The following AFAP1L1 variants were observed in gnomAD, a reference collection of about 807,000 sequenced individuals.
The protein encoded by AFAP1L1 is actin filament associated protein 1 like 1.
In AFAP1L1, 77 loss-of-function variants were observed where a neutral mutation model predicts 99.8. That is an observed-to-expected ratio of 0.77 (90% CI 0.64 to 0.93). The LOEUF is 0.93. Among genes scored for constraint, AFAP1L1 ranks in the 40% least tolerant of loss-of-function variants. AFAP1L1 has a pLI of 0.00. For synonymous variants in AFAP1L1, 373 were observed against 395.3 expected (o/e 0.94, Z 0.67); for missense variants, 893 against 996.8 (o/e 0.90, Z 1.40).
At chr5:149,309,853 T>G in intron 7 of AFAP1L1, 103 bp from the exon 8 acceptor site, 3 of 1,432,140 alleles carry the variant, frequency 2.1e-6, no homozygotes. Context: ...GTGGGGGAGG[T>G]CTCTAAAGGG....
At chr5:149,318,198 G>A (rs1000533656) in intron 12 of AFAP1L1, among the ~76,000 whole-genome samples, 2 of 152,190 alleles carry the variant, frequency 1.3e-5, no homozygotes, top group Non-Finnish European at 2.9e-5. Flanking sequence ...ACGCAACATT[G>A]GAGCTTTATT....
chr5:149,303,426 G>A (rs1261979816), intron 5 of AFAP1L1, among the ~76,000 whole-genome samples: 1 of 152,120 alleles, frequency 6.6e-6, no homozygotes, highest in East Asian at 1.9e-4. Flanking sequence ...AGGACTTAAC[G>A]TTACATATAA....
Position 149,316,154 on chromosome 5 carries a change from A to C in AFAP1L1, c.1118A>C (p.Lys373Thr). 1 of 1,612,820 alleles carries C rather than the reference A, an allele frequency of 6.2e-7. No homozygotes were observed. Among genetic ancestry groups the C allele is most frequent in the South Asian group, 1.1e-5 (1 of 91,036 alleles). ...LGRRETCDHG[K>T]GKKSSLAELK... is the part of the protein sequence containing the mutation. ...CCCTGACCCATTTCCCCAACAGGCA[A>C]AGGGAAGAAGAGCAGCCTGGCAGAA... The change falls in exon 11 of 19, where the codon AAA becomes ACA. Residue 373 changes from lysine (K) to threonine (T), a missense_variant. By Grantham distance (78) the Lys-to-Thr change is moderately conservative. Coordinates refer to ENST00000296721, the MANE Select transcript of AFAP1L1 (RefSeq NM_152406.4).
chr5:149,329,405 C>A (rs1039941789), intron 15 of AFAP1L1, among the ~76,000 whole-genome samples: 9 of 152,222 alleles, frequency 5.9e-5, no homozygotes, highest in African/African-American at 2.2e-4. Context: ...TGTCACACAA[C>A]CTTTGACCAG....
chr5:149,331,140 T>A (rs900996667), intron 16 of AFAP1L1, among the ~76,000 whole-genome samples: 1 of 151,942 alleles, frequency 6.6e-6, no homozygotes, highest in African/African-American at 2.4e-5. Context: ...TTTGTTAGAT[T>A]AAATCAAAAA....
At chr5:149,293,944 C>T (rs1755941200) in intron 1 of AFAP1L1, among the ~76,000 whole-genome samples, 1 of 152,184 alleles carries the variant, frequency 6.6e-6, no homozygotes, top group Admixed American at 6.5e-5. Context: ...GGTCCGACCC[C>T]AGAGCCCTAG....
chr5:149,305,878 C>CCACACACACACACACACA lies in AFAP1L1; in HGVS notation c.437-402_437-385dup, dbSNP rs56036411. On this transcript the variant is annotated intron_variant, in intron 5 of 18. Coordinates refer to ENST00000296721, the MANE Select transcript of AFAP1L1 (RefSeq NM_152406.4). ...AAAAATCAGAGCTGCGACCAACACA[C>CCACACACACACACACACA]CACACACACACACACACACACACAC... Among the ~76,000 whole-genome samples the CCACACACACACACACACA allele has an allele frequency of 6.6e-4, 94 of 142,570 alleles. No homozygotes were observed. The East Asian group carries it at 0.013, about 19-fold the overall frequency. The allele number at this position is 142,570 out of a possible 152,430, so 93.5% of individuals were successfully genotyped here. A position where few individuals can be genotyped will look rare whatever the true frequency, so the allele number is the denominator to read the frequency against.
chr5:149,317,503 G>T (rs1234675739), intron 11 of AFAP1L1, among the ~76,000 whole-genome samples: 3 of 152,134 alleles, frequency 2.0e-5, no homozygotes, highest in Non-Finnish European at 4.4e-5. Flanking sequence ...AGGTTGGTGT[G>T]GCCCAAAGGC....
intron 9 of AFAP1L1, among the ~76,000 whole-genome samples, chr5:149,312,903 G>A (rs1441448440): frequency 6.6e-6 from 1 of 152,094 alleles, no homozygotes; most frequent in African/African-American, 2.4e-5. Flanking sequence ...GAGGCGGGTG[G>A]ATCACCTGAG....
At chr5:149,322,972 G>A (rs920285579) in intron 15 of AFAP1L1, among the ~76,000 whole-genome samples, 6 of 152,110 alleles carry the variant, frequency 3.9e-5, no homozygotes, top group African/African-American at 9.7e-5. Context: ...AGTTTTCTCA[G>A]GTCCCAACTA....
intron 15 of AFAP1L1, among the ~76,000 whole-genome samples, chr5:149,326,567 G>A (rs7731458): frequency 0.73 from 105,278 of 144,158 alleles, 38,920 homozygotes; most frequent in Middle Eastern, 0.87. Flanking sequence ...AAAAAAGAAA[G>A]AAAAATATAT....
chr5:149,302,267 T>G, intron 4 of AFAP1L1, 151 bp from the exon 5 acceptor site: 5 of 533,818 alleles, frequency 9.4e-6, no homozygotes, highest in Non-Finnish European at 1.6e-5. Flanking sequence ...AAATATGCCC[T>G]CGAGTTTTAC....
At position 149,341,494 on chromosome 5, in the gene AFAP1L1, A is replaced by T. The variant is rs1757559575; in HGVS notation, c.*1464A>T. 6.6e-6 allele frequency: 1 copy of T among 152,234 alleles called. No homozygotes were observed. The highest frequency in any genetic ancestry group is 6.5e-5 in the Admixed American group (1 of 15,292). 9.4% of individuals were successfully genotyped at this position (152,234 alleles called of 1,614,324 possible). ...TTTTCCTTATCTGTGAAATGGGACT[A>T]ACAATTGTTACTTTTCTCCCAAGAT... On this transcript the variant is annotated 3_prime_UTR_variant, in exon 19 of 19. Transcript: ENST00000296721.
chr5:149,321,063 G>T (rs1314173283), intron 14 of AFAP1L1, among the ~76,000 whole-genome samples: 1 of 152,228 alleles, frequency 6.6e-6, no homozygotes, highest in African/African-American at 2.4e-5. Context: ...GGTGGGTCAG[G>T]CCTCACAGTT....
chr5:149,272,777 A>C (rs972808134), intron 1 of AFAP1L1, among the ~76,000 whole-genome samples: 27 of 145,100 alleles, frequency 1.9e-4, no homozygotes, highest in African/African-American at 6.6e-4. Context: ...ATCTTGGCTC[A>C]CTGCAACCTC....
Position 149,310,008 on chromosome 5 carries a change from C to G in AFAP1L1, c.800C>G (p.Thr267Ser), listed in dbSNP as rs767379415. The change falls in exon 8 of 19, where the codon ACC becomes AGC. Residue 267 changes from threonine to serine, a missense_variant. Transcript: ENST00000296721. Reference sequence around the variant, plus strand: ...CCACATCTGAGGTTGGCACTGGATACCTGCAGCATCATCTACGTGCCCAAG... The same window carrying G: ...CCACATCTGAGGTTGGCACTGGATAGCTGCAGCATCATCTACGTGCCCAAG... ...RQPHLRLALD[T>S]CSIIYVPKDS... 6.2e-7 allele frequency: 1 copy of G among 1,614,248 alleles called. No individual in the cohort carries two copies. The highest frequency in any genetic ancestry group is 1.1e-5 in the South Asian group (1 of 91,080).
chr5:149,320,269 AC>A lies in AFAP1L1; in HGVS notation c.1626-120del. ...CAATGCTGCCTGCCATCTTGCTTTT[AC>A]CAATCTTCTGATCTGCCTTAAGAGT... is the stretch of plus-strand genomic sequence containing the variant. On this transcript the variant is annotated intron_variant, in intron 13 of 18. Coordinates refer to ENST00000296721, the MANE Select transcript of AFAP1L1 (RefSeq NM_152406.4). This position sits in a 1 kb window ranked among gnomAD's most constrained non-coding sequence, Gnocchi z 4.0. 1 of 933,876 alleles carries A rather than the reference AC, an allele frequency of 1.1e-6. No individual in the cohort carries two copies. The highest frequency in any genetic ancestry group is 1.7e-6 in the Non-Finnish European group (1 of 599,674). 57.8% of individuals were successfully genotyped at this position (933,876 alleles called of 1,614,324 possible). A position where few individuals can be genotyped will look rare whatever the true frequency, so the allele number is the denominator to read the frequency against.
intron 11 of AFAP1L1, among the ~76,000 whole-genome samples, chr5:149,316,872 G>C (rs565603108): frequency 1.4e-4 from 22 of 152,262 alleles, no homozygotes; most frequent in African/African-American, 5.3e-4. Context: ...TATTATAAAA[G>C]TACATGGCAA....
intron 6 of AFAP1L1, 82 bp downstream of exon 6, chr5:149,306,486 G>C (rs1756418825): frequency 7.7e-7 from 1 of 1,306,622 alleles, no homozygotes; most frequent in East Asian, 2.5e-5. Context: ...CCTTAGCATG[G>C]GTGTGCCCAC....
Sources: gnomAD v4.1 joint callset for allele counts (sites outside exome capture counted in the v4.1 genomes callset) on GRCh38, gnomAD v4.1.1 for gene constraint, Gnocchi (gnomAD v3.1) non-coding constraint, MANE v1.5 for transcripts, NCBI Gene and HGNC (gene_info 2026-07-23, HGNC 2026-07-21) for gene names.